The following FIGNL2 variants were observed in gnomAD, a reference collection of about 807,000 sequenced individuals.
FIGNL2 encodes fidgetin like 2.
For missense variants in FIGNL2, 1,060 were observed against 950.2 expected (o/e 1.12, Z -1.52); for synonymous variants, 565 against 484.0 (o/e 1.17, Z -2.20).
intron 1 of FIGNL2, among the ~76,000 whole-genome samples, chr12:51,826,496 G>A (rs975190226): frequency 2.6e-5 from 4 of 151,512 alleles, no homozygotes; most frequent in South Asian, 4.2e-4. Flanking sequence ...AAAATTAGCC[G>A]GGCGTGGTGG....
intron 1 of FIGNL2, among the ~76,000 whole-genome samples, chr12:51,833,861 T>A: frequency 6.6e-6 from 1 of 152,128 alleles, no homozygotes; most frequent in East Asian, 1.9e-4. Context: ...GAGCAGGGAC[T>A]TTGTTTTGTT....
intron 1 of FIGNL2, among the ~76,000 whole-genome samples, chr12:51,826,444 C>G (rs977995198): frequency 6.7e-6 from 1 of 148,612 alleles, no homozygotes; most frequent in African/African-American, 2.5e-5. Flanking sequence ...GCCTAGCCAA[C>G]GTGGTGAAAC....
At position 51,818,915 on chromosome 12, in the gene FIGNL2, A is replaced by C. The variant is rs1447770678; in HGVS notation, c.*1537T>G. 6.6e-6 allele frequency: 1 copy of C among 152,264 alleles called. No homozygotes were observed. The highest frequency in any genetic ancestry group is 1.5e-5 in the Non-Finnish European group (1 of 68,118). 9.4% of individuals were successfully genotyped at this position (152,264 alleles called of 1,614,324 possible). The stretch of plus-strand genomic sequence containing the variant: ...TGAGACTAAGCCCCCAAGGTCAGAG[A>C]AAACACCCCTGCCCATCTCCCTCAC... On this transcript the variant is annotated 3_prime_UTR_variant, in exon 2 of 2. Coordinates refer to ENST00000618634, the MANE Select transcript of FIGNL2 (RefSeq NM_001384995.1).
At chr12:51,839,473 T>G (rs1939627102) in intron 1 of FIGNL2, among the ~76,000 whole-genome samples, 1 of 152,206 alleles carries the variant, frequency 6.6e-6, no homozygotes, top group Non-Finnish European at 1.5e-5. Flanking sequence ...ATTCTGCCTC[T>G]GTTCTCTGCC....
chr12:51,822,814 C>G (rs1939254183), intron 1 of FIGNL2, among the ~76,000 whole-genome samples: 2 of 152,216 alleles, frequency 1.3e-5, no homozygotes, highest in Non-Finnish European at 2.9e-5. Context: ...TAGTCAAACT[C>G]AAGTGAAGCT....
chr12:51,830,686 T>A (rs780398909), intron 1 of FIGNL2, among the ~76,000 whole-genome samples: 96 of 151,898 alleles, frequency 6.3e-4, no homozygotes, highest in Admixed American at 1.0e-3. Flanking sequence ...AGAGATGGGG[T>A]TTCACCATGT....
intron 1 of FIGNL2, among the ~76,000 whole-genome samples, chr12:51,838,775 G>T (rs552697418): frequency 6.6e-6 from 1 of 152,050 alleles, no homozygotes; most frequent in African/African-American, 2.4e-5. Context: ...GGAAAGAGGT[G>T]GGGGGGCTGC....
chr12:51,848,036 C>G (rs1024220643), intron 1 of FIGNL2: 64 of 792,440 alleles, frequency 8.1e-5, no homozygotes, highest in Non-Finnish European at 9.2e-5. Context: ...ACTGCCCCGT[C>G]ACCATGCTGG....
chr12:51,825,619 CTTT>C (rs770930359), intron 1 of FIGNL2, among the ~76,000 whole-genome samples: 4 of 134,872 alleles, frequency 3.0e-5, no homozygotes, highest in Admixed American at 7.4e-5. Context: ...CCATGACACT[CTTT>C]TTTTTTTTTT....
At chr12:51,848,293 C>T in intron 1 of FIGNL2, 3 of 985,046 alleles carry the variant, frequency 3.0e-6, no homozygotes, top group Non-Finnish European at 3.6e-6. Flanking sequence ...GGGTGCCCGT[C>T]GGCGGCCGGG....
chr12:51,821,891 T>A lies in FIGNL2; in HGVS notation c.523A>T (p.Thr175Ser). Residue 175 changes from threonine to serine, a missense_variant, in exon 2 of 2, where the codon ACG becomes TCG. Thr to Ser is a moderately conservative substitution (Grantham distance 58). Coordinates refer to ENST00000618634, the MANE Select transcript of FIGNL2 (RefSeq NM_001384995.1). ...GGCGGCGGGGGCAGCGCGGCGCCCG[T>A]CTGCGCGCAGTAACCCGGCGCCAGG... is the stretch of plus-strand genomic sequence containing the variant. ...GYLAPGYCAQTGAALPPPPPA... is the reference protein window; with the variant it reads ...GYLAPGYCAQSGAALPPPPPA... 1 of 1,409,194 alleles carries A rather than the reference T, an allele frequency of 7.1e-7. No homozygotes were observed. Among genetic ancestry groups the A allele is most frequent in the Non-Finnish European group, 9.2e-7 (1 of 1,087,254 alleles). The allele number at this position is 1,409,194 out of a possible 1,614,324, so 87.3% of individuals were successfully genotyped here. A position where few individuals can be genotyped will look rare whatever the true frequency, so the allele number is the denominator to read the frequency against.
At chr12:51,837,614 C>T (rs1417587717) in intron 1 of FIGNL2, among the ~76,000 whole-genome samples, 2 of 152,254 alleles carry the variant, frequency 1.3e-5, no homozygotes, top group Non-Finnish European at 2.9e-5. Flanking sequence ...TCCCCACCCC[C>T]TTCTTCCCAA....
chr12:51,826,399 C>G (rs1010602415), intron 1 of FIGNL2, among the ~76,000 whole-genome samples: 1 of 151,126 alleles, frequency 6.6e-6, no homozygotes, highest in African/African-American at 2.4e-5. Flanking sequence ...GAGGCTGAGG[C>G]GGGTGGATCA....
At chr12:51,833,039 C>G (rs556366053) in intron 1 of FIGNL2, among the ~76,000 whole-genome samples, 4 of 152,090 alleles carry the variant, frequency 2.6e-5, no homozygotes, top group Non-Finnish European at 5.9e-5. Context: ...GCTGCAGCCT[C>G]TCTCTCTTTT....
At chr12:51,834,829 G>C (rs1939554274) in intron 1 of FIGNL2, among the ~76,000 whole-genome samples, 1 of 152,238 alleles carries the variant, frequency 6.6e-6, no homozygotes, top group African/African-American at 2.4e-5. Context: ...CTTTCACCCA[G>C]CCTTCTAGTG....
At chr12:51,823,490 C>T (rs1939269424) in intron 1 of FIGNL2, 1 of 152,196 alleles carries the variant, frequency 6.6e-6, no homozygotes, top group African/African-American at 2.4e-5. Flanking sequence ...TCTTGCCATC[C>T]ATGCTGTAAA....
At chr12:51,832,380 C>A (rs887877386) in intron 1 of FIGNL2, among the ~76,000 whole-genome samples, 7 of 151,878 alleles carry the variant, frequency 4.6e-5, no homozygotes, top group Admixed American at 1.3e-4. Flanking sequence ...TTGTTTTTAC[C>A]TTTTCTATGC....
At chr12:51,844,053 C>G (rs1373304954) in intron 1 of FIGNL2, among the ~76,000 whole-genome samples, 2 of 152,182 alleles carry the variant, frequency 1.3e-5, no homozygotes, top group East Asian at 3.9e-4. Flanking sequence ...AAGCGGGTCC[C>G]CAAGGTAGGC....
At chr12:51,835,026 C>T (rs995672678) in intron 1 of FIGNL2, among the ~76,000 whole-genome samples, 2 of 152,298 alleles carry the variant, frequency 1.3e-5, no homozygotes, top group East Asian at 3.9e-4. Context: ...CTGCCTACCC[C>T]AGCCTAGAGG....
Sources: gnomAD v4.1 joint callset for allele counts (sites outside exome capture counted in the v4.1 genomes callset) on GRCh38, gnomAD v4.1.1 for gene constraint, MANE v1.5 for transcripts, NCBI Gene and HGNC (gene_info 2026-07-23, HGNC 2026-07-21) for gene names.